The following MOB1B variants were observed in gnomAD, a reference collection of about 807,000 sequenced individuals.
The protein encoded by MOB1B is MOB1 Mps One Binder homolog B.
In MOB1B, 19 loss-of-function variants were observed where a neutral mutation model predicts 24.4. The observed-to-expected ratio is 0.78, with a 90% CI of 0.54 to 1.14. The LOEUF (loss-of-function observed/expected upper bound fraction) is 1.14. MOB1B is among the 50% of genes most tolerant of loss of function. The probability of loss-of-function intolerance (pLI) is 0.00; values close to 1 mark genes in which losing one functional copy is unlikely to be tolerated. For synonymous variants in MOB1B, 76 were observed against 82.1 expected, an observed-to-expected ratio of 0.93 and a Z score of 0.40; for missense variants, 243 against 259.6, an observed-to-expected ratio of 0.94 and a Z score of 0.44.
At chr4:70,939,457 C>T (rs948000882) in intron 1 of MOB1B, among the ~76,000 whole-genome samples, 51 of 152,162 alleles carry the variant, frequency 3.4e-4, no homozygotes, top group African/African-American at 1.2e-3. Flanking sequence ...CCAAGGTGGG[C>T]GGATCACCTG....
At chr4:70,935,315 A>T (rs961326604) in intron 1 of MOB1B, among the ~76,000 whole-genome samples, 1 of 152,208 alleles carries the variant, frequency 6.6e-6, no homozygotes, top group Non-Finnish European at 1.5e-5. Context: ...AAACCTAGGG[A>T]ATCTGGGCAA....
At chr4:70,921,800 C>A (rs1736451341) in intron 1 of MOB1B, among the ~76,000 whole-genome samples, 1 of 152,064 alleles carries the variant, frequency 6.6e-6, no homozygotes, top group Non-Finnish European at 1.5e-5. Flanking sequence ...AGCCACCGTG[C>A]CTGGCCCGCA....
At chr4:70,978,641 A>G (rs1452210462) in intron 4 of MOB1B, among the ~76,000 whole-genome samples, 1 of 152,210 alleles carries the variant, frequency 6.6e-6, no homozygotes, top group Non-Finnish European at 1.5e-5. Flanking sequence ...AATCGATGGA[A>G]TAGAGAATGC....
intron 3 of MOB1B, among the ~76,000 whole-genome samples, chr4:70,971,010 C>T (rs1355776628): frequency 6.6e-6 from 1 of 152,208 alleles, no homozygotes; most frequent in Non-Finnish European, 1.5e-5. Flanking sequence ...TACACCTCTT[C>T]CTGCAGAAGT....
intron 1 of MOB1B, among the ~76,000 whole-genome samples, chr4:70,903,365 T>C (rs541226724): frequency 6.6e-6 from 1 of 152,172 alleles, no homozygotes; most frequent in Non-Finnish European, 1.5e-5. Flanking sequence ...CACTTACTTA[T>C]CGTTTGTTCC....
intron 1 of MOB1B, among the ~76,000 whole-genome samples, chr4:70,955,422 TA>T (rs1271762717): frequency 1.3e-5 from 2 of 151,096 alleles, no homozygotes; most frequent in Non-Finnish European, 2.9e-5. Context: ...CATAAATTAG[TA>T]AAATGTCTTT....
intron 1 of MOB1B, 131 bp downstream of exon 1, chr4:70,902,681 C>G: frequency 1.2e-6 from 1 of 858,278 alleles, no homozygotes; most frequent in South Asian, 2.3e-5. Context: ...GGCGTCACCA[C>G]CAAGCGGGGC....
chr4:70,921,463 TTCTTCTCTCTTC>T (rs1736432912), intron 1 of MOB1B, among the ~76,000 whole-genome samples: 1 of 149,980 alleles, frequency 6.7e-6, no homozygotes, highest in Non-Finnish European at 1.5e-5. Flanking sequence ...TTTCTTTCTT[TTCTTCTCTCTTC>T]TCTTCTCTCC....
intron 1 of MOB1B, among the ~76,000 whole-genome samples, chr4:70,915,896 C>T (rs1219610061): frequency 6.6e-6 from 1 of 150,612 alleles, no homozygotes; most frequent in Admixed American, 6.6e-5. Context: ...ACCTTTGTTG[C>T]CTGATCATCT....
At chr4:70,922,093 A>G (rs1736461095) in intron 1 of MOB1B, among the ~76,000 whole-genome samples, 1 of 152,234 alleles carries the variant, frequency 6.6e-6, no homozygotes, top group South Asian at 2.1e-4. Flanking sequence ...CACATTTTGT[A>G]TACAGAATTA....
chr4:70,983,091 G>C lies in MOB1B; in HGVS notation c.*1034G>C, dbSNP rs1445444053. The C allele has an allele frequency of 1.3e-5, 2 of 152,328 alleles. No homozygotes were observed. Among genetic ancestry groups the C allele is most frequent in the Non-Finnish European group, 2.9e-5 (2 of 67,994 alleles). 9.4% of individuals were successfully genotyped at this position (152,328 alleles called of 1,614,324 possible). ...TCAATTACTTATAAACAAAGTCTTA[G>C]AGACTTCCTTTTAGGAATCAACTTC... On this transcript the variant is annotated 3_prime_UTR_variant, in exon 6 of 6. Transcript: ENST00000309395.
rs1738688929 is a variant in MOB1B at position 70,969,916 on chromosome 4, A to G, written c.182-15A>G. On this transcript the variant is annotated splice_polypyrimidine_tract_variant and intron_variant, in intron 2 of 5. Coordinates refer to ENST00000309395, the MANE Select transcript of MOB1B (RefSeq NM_173468.4). ...AGCCATTCTGTTTTACTTACAACTG[A>G]TACTTGCTTTACAGCTGTGGATTTC... 1 of 1,468,322 alleles carries G rather than the reference A, an allele frequency of 6.8e-7. No individual in the cohort carries two copies. The highest frequency in any genetic ancestry group is 9.5e-7 in the Non-Finnish European group (1 of 1,056,788). The allele number at this position is 1,468,322 out of a possible 1,614,324, so 91.0% of individuals were successfully genotyped here. A position where few individuals can be genotyped will look rare whatever the true frequency, so the allele number is the denominator to read the frequency against.
intron 1 of MOB1B, among the ~76,000 whole-genome samples, chr4:70,922,577 A>G (rs539995393): frequency 1.3e-5 from 2 of 152,348 alleles, no homozygotes; most frequent in South Asian, 2.1e-4. Flanking sequence ...GAGACTTTGA[A>G]TAGAATGAGA....
intron 1 of MOB1B, among the ~76,000 whole-genome samples, chr4:70,947,575 C>T (rs540033203): frequency 2.0e-4 from 31 of 152,232 alleles, no homozygotes; most frequent in South Asian, 8.3e-4. Context: ...TGCTGCTAGT[C>T]GGTGGCTTGA....
rs185801511 is a variant in MOB1B, at chr4:70,979,017, T to C, written c.410-111T>C. 117 of 835,460 alleles carry C rather than the reference T, an allele frequency of 1.4e-4. No homozygotes were observed. The African/African-American group carries it at 1.8e-3, about 13-fold the overall frequency. 51.8% of individuals were successfully genotyped at this position (835,460 alleles called of 1,614,324 possible). A position where few individuals can be genotyped will look rare whatever the true frequency, so the allele number is the denominator to read the frequency against. Reference sequence around the variant, plus strand: ...ATGGGTATATGTATAAATTCATAAATGCTACTTCTTTTCAGCCTTGTCTTG... The same window carrying C: ...ATGGGTATATGTATAAATTCATAAACGCTACTTCTTTTCAGCCTTGTCTTG... On this transcript the variant is annotated intron_variant, in intron 4 of 5. Transcript: ENST00000309395.
At chr4:70,965,796 CAAAAAAAAAA>C (rs71211986) in intron 2 of MOB1B, among the ~76,000 whole-genome samples, 19 of 28,698 alleles carry the variant, frequency 6.6e-4, no homozygotes, top group Admixed American at 1.9e-3. Flanking sequence ...GACTCCGTCT[CAAAAAAAAAA>C]AAAAAAAAAA....
At chr4:70,960,272 G>T (rs1738251571) in intron 2 of MOB1B, among the ~76,000 whole-genome samples, 1 of 151,986 alleles carries the variant, frequency 6.6e-6, no homozygotes, top group Admixed American at 6.6e-5. Flanking sequence ...CTCCTACAGA[G>T]AATAACGTAT....
intron 1 of MOB1B, among the ~76,000 whole-genome samples, chr4:70,918,074 T>C (rs557367205): frequency 6.1e-4 from 93 of 152,308 alleles, no homozygotes; most frequent in Admixed American, 4.0e-3. Flanking sequence ...CAAAAATATA[T>C]CCTAAAGAAG....
chr4:70,952,935 CTTTT>C (rs71211985), intron 1 of MOB1B, among the ~76,000 whole-genome samples: 15 of 72,306 alleles, frequency 2.1e-4, no homozygotes, highest in Middle Eastern at 0.029. Flanking sequence ...GTCATTTGGT[CTTTT>C]TTTTTTTTTT....
Sources: allele counts gnomAD v4.1 joint callset (sites outside exome capture counted in the v4.1 genomes callset), GRCh38; gene constraint gnomAD v4.1.1; transcripts MANE v1.5; gene names NCBI Gene and HGNC (gene_info 2026-07-23, HGNC 2026-07-21).